The following ADAMTSL3 variants were observed in gnomAD, a reference collection of about 807,000 sequenced individuals.
ADAMTSL3 encodes ADAMTS like 3.
Under a neutral mutation model 201.7 loss-of-function variants are expected in ADAMTSL3, and 128 were observed. That is an observed-to-expected ratio of 0.63 (90% CI 0.55 to 0.73). ADAMTSL3 has a LOEUF of 0.73. Among genes scored for constraint, ADAMTSL3 ranks in the 30% least tolerant of loss-of-function variants. ADAMTSL3 has a pLI of 0.00. For synonymous variants in ADAMTSL3, 738 were observed against 748.4 expected, an observed-to-expected ratio of 0.99 and a Z score of 0.23; for missense variants, 1,990 against 2,119.6, an observed-to-expected ratio of 0.94 and a Z score of 1.20.
intron 19 of ADAMTSL3, among the ~76,000 whole-genome samples, chr15:83,951,349 C>A (rs2066753809): frequency 6.6e-6 from 1 of 152,190 alleles, no homozygotes; most frequent in Admixed American, 6.5e-5. Flanking sequence ...GCCATCCTTG[C>A]ATCCCTGGGA....
At chr15:83,690,292 T>A (rs2061593791) in intron 2 of ADAMTSL3, among the ~76,000 whole-genome samples, 1 of 152,168 alleles carries the variant, frequency 6.6e-6, no homozygotes, top group African/African-American at 2.4e-5. Flanking sequence ...ACGGACTTCA[T>A]GGTCTGCCTT....
At chr15:83,999,020 C>T (rs2067740315) in intron 23 of ADAMTSL3, among the ~76,000 whole-genome samples, 1 of 152,126 alleles carries the variant, frequency 6.6e-6, no homozygotes, top group South Asian at 2.1e-4. Flanking sequence ...TTTCTTGTCT[C>T]ATAAAAAGTA....
intron 15 of ADAMTSL3, among the ~76,000 whole-genome samples, chr15:83,912,415 T>A (rs2065950762): frequency 6.6e-6 from 1 of 152,224 alleles, no homozygotes; most frequent in Admixed American, 6.5e-5. Flanking sequence ...GCTGGTAGGT[T>A]GTACCAAAGA....
chr15:84,032,315 T>C (rs1013220342), intron 28 of ADAMTSL3, among the ~76,000 whole-genome samples: 3 of 152,224 alleles, frequency 2.0e-5, no homozygotes, highest in Admixed American at 6.5e-5. Context: ...TGAGATGACC[T>C]TGACAGTTGG....
chr15:83,896,527 G>T (rs2065618682), intron 13 of ADAMTSL3, among the ~76,000 whole-genome samples: 1 of 152,062 alleles, frequency 6.6e-6, no homozygotes, highest in Admixed American at 6.6e-5. Flanking sequence ...TGTTAATAAT[G>T]ATGTATTAAT....
At chr15:83,967,394 CAG>C (rs1227645710) in intron 19 of ADAMTSL3, among the ~76,000 whole-genome samples, 4 of 152,122 alleles carry the variant, frequency 2.6e-5, no homozygotes, top group East Asian at 1.9e-4. Context: ...AATAGACAAA[CAG>C]AAAGTCAAAT....
chr15:83,691,861 G>A (rs2061612981), intron 2 of ADAMTSL3, among the ~76,000 whole-genome samples: 1 of 152,104 alleles, frequency 6.6e-6, no homozygotes, highest in African/African-American at 2.4e-5. Context: ...TGATCTGCCC[G>A]CTTTGGCCTC....
Position 83,894,786 on chromosome 15 carries a change from ATTGAG to A in ADAMTSL3, c.1467+1901_1467+1905del, listed in dbSNP as rs536159261. On this transcript the variant is annotated intron_variant, in intron 13 of 29. Coordinates refer to ENST00000286744, the MANE Select transcript of ADAMTSL3 (RefSeq NM_207517.3). ...CTAAGTATTTAAAATATTCCTCTGAATTGAGTTAATTTTAATACACAGTCAAAATA... is the reference window on the plus strand; with the variant it reads ...CTAAGTATTTAAAATATTCCTCTGAATTAATTTTAATACACAGTCAAAATA... Among the ~76,000 whole-genome samples the A allele has an allele frequency of 3.5e-3, 527 of 151,770 alleles. 3 individuals are homozygous for A. Among genetic ancestry groups the A allele is most frequent in the African/African-American group, 0.012 (499 of 41,272 alleles).
At chr15:84,032,898 T>G (rs974537919) in intron 28 of ADAMTSL3, among the ~76,000 whole-genome samples, 15 of 152,328 alleles carry the variant, frequency 9.8e-5, no homozygotes, top group African/African-American at 3.6e-4. Context: ...CTCATTTTGA[T>G]GCTATCAAAT....
chr15:83,754,259 A>G (rs1364646749), intron 3 of ADAMTSL3, among the ~76,000 whole-genome samples: 1 of 152,180 alleles, frequency 6.6e-6, no homozygotes. Flanking sequence ...TTGTTGAAAT[A>G]TGTGAGGCTG....
chr15:83,739,982 T>C, intron 3 of ADAMTSL3: 1 of 455,322 alleles, frequency 2.2e-6, no homozygotes. Context: ...AGGGCAGTGT[T>C]TGTAGACCTG....
At chr15:83,884,862 A>G (rs941330044) in intron 9 of ADAMTSL3, among the ~76,000 whole-genome samples, 3 of 152,188 alleles carry the variant, frequency 2.0e-5, no homozygotes, top group Admixed American at 6.5e-5. Context: ...ATTCACAGGC[A>G]TGGAATTATC....
intron 25 of ADAMTSL3, among the ~76,000 whole-genome samples, chr15:84,017,301 T>G (rs2068104547): frequency 6.6e-6 from 1 of 152,120 alleles, no homozygotes; most frequent in Non-Finnish European, 1.5e-5. Flanking sequence ...GTATTTTTAG[T>G]GGAGACGAGG....
At chr15:83,836,848 G>A (rs1429190474) in intron 6 of ADAMTSL3, among the ~76,000 whole-genome samples, 2 of 152,126 alleles carry the variant, frequency 1.3e-5, no homozygotes, top group East Asian at 3.9e-4. Flanking sequence ...GTGGATCCAG[G>A]TTTGTACGTG....
chr15:83,819,781 G>C (rs1351484905), intron 5 of ADAMTSL3, 30 bp from the exon 6 acceptor site: 1 of 1,556,042 alleles, frequency 6.4e-7, no homozygotes, highest in Non-Finnish European at 8.9e-7. Context: ...ACTGGGTGAT[G>C]TGCATGTGGC....
In ADAMTSL3 at chr15:83,654,971, C is replaced by T. The variant is rs2061057715; in HGVS notation, c.-34+695C>T. 6.6e-6 allele frequency among the ~76,000 whole-genome samples: 1 copy of T among 151,506 alleles called. No homozygotes were observed. The highest frequency in any genetic ancestry group is 2.4e-5 in the African/African-American group (1 of 41,412). Reference sequence around the variant, plus strand: ...CCGGACACCAGCTCCGCCAAGGCGCCCGCGAGGCGAAGCGGGAGTCGAGTG... The same window carrying T: ...CCGGACACCAGCTCCGCCAAGGCGCTCGCGAGGCGAAGCGGGAGTCGAGTG... On this transcript the variant is annotated intron_variant, in intron 1 of 29. Transcript: ENST00000286744. The surrounding 1 kb of genome is among the most constrained non-coding windows in gnomAD (Gnocchi z 5.3).
At chr15:83,820,947 G>A (rs568388083) in intron 6 of ADAMTSL3, among the ~76,000 whole-genome samples, 104 of 152,188 alleles carry the variant, frequency 6.8e-4, no homozygotes, top group Non-Finnish European at 1.2e-3. Flanking sequence ...GATGGTGTGT[G>A]CCTGTAATTC....
chr15:84,004,107 T>A (rs2067849371), intron 23 of ADAMTSL3, among the ~76,000 whole-genome samples: 1 of 152,262 alleles, frequency 6.6e-6, no homozygotes, highest in African/African-American at 2.4e-5. Context: ...ACATCCCAAC[T>A]TATATAACCC....
At chr15:83,900,965 C>G (rs1403067714) in intron 15 of ADAMTSL3, among the ~76,000 whole-genome samples, 1 of 152,190 alleles carries the variant, frequency 6.6e-6, no homozygotes, top group African/African-American at 2.4e-5. Flanking sequence ...CTTTTCAGAA[C>G]CCACTCTCAT....
Sources: allele counts gnomAD v4.1 joint callset (sites outside exome capture counted in the v4.1 genomes callset), GRCh38; gene constraint gnomAD v4.1.1; non-coding constraint Gnocchi (gnomAD v3.1); transcripts MANE v1.5; gene names NCBI Gene and HGNC (gene_info 2026-07-23, HGNC 2026-07-21).